ITGA11: variants seen among roughly 807,000 people sequenced by gnomAD.
ITGA11 encodes integrin alpha-11.
ITGA11 carries 97 observed loss-of-function variants against 141.9 expected under a neutral mutation model. The observed-to-expected ratio is 0.68, with a 90% confidence interval of 0.58 to 0.81. ITGA11 has a LOEUF of 0.81. Ranked by LOEUF, ITGA11 falls within the 30% of genes least tolerant of loss-of-function variation. ITGA11 has a pLI of 0.00. For missense variants in ITGA11, 1,387 were observed against 1,559.2 expected (o/e 0.89, Z 1.86); for synonymous variants, 658 against 624.6 (o/e 1.05, Z -0.80).
chr15:68,319,944 T>A (rs1893736754), intron 20 of ITGA11, among the ~76,000 whole-genome samples: 1 of 152,156 alleles, frequency 6.6e-6, no homozygotes, highest in Non-Finnish European at 1.5e-5. Context: ...TGATTTTTTT[T>A]TTTATTTAAT....
intron 2 of ITGA11, among the ~76,000 whole-genome samples, chr15:68,385,431 C>A (rs1895962421): frequency 1.3e-5 from 2 of 152,238 alleles, no homozygotes; most frequent in South Asian, 4.1e-4. Flanking sequence ...GGCTCCACGG[C>A]TGGTTTTGTG....
chr15:68,397,136 AT>A (rs1377374044), intron 2 of ITGA11, among the ~76,000 whole-genome samples: 23 of 26 alleles, frequency 0.88, 11 homozygotes, highest in African/African-American at 1. Flanking sequence ...TATATAATAA[AT>A]TATTATATAT....
chr15:68,416,686 G>A (rs1896893582), intron 1 of ITGA11, among the ~76,000 whole-genome samples: 1 of 152,112 alleles, frequency 6.6e-6, no homozygotes, highest in African/African-American at 2.4e-5. Context: ...AGCACTTTGG[G>A]AGGCGGATTG....
At chr15:68,399,382 A>G (rs1896408605) in intron 2 of ITGA11, among the ~76,000 whole-genome samples, 1 of 152,090 alleles carries the variant, frequency 6.6e-6, no homozygotes, top group Non-Finnish European at 1.5e-5. Flanking sequence ...GGGAATGGTA[A>G]TTAGTTCAGA....
At chr15:68,340,712 C>G (rs901734877) in intron 10 of ITGA11, 2 of 152,176 alleles carry the variant, frequency 1.3e-5, no homozygotes, top group Non-Finnish European at 1.5e-5. Flanking sequence ...GTTACTGACC[C>G]CATGGCCCTT....
chr15:68,409,470 A>C (rs1051251313), intron 1 of ITGA11, among the ~76,000 whole-genome samples: 2 of 146,304 alleles, frequency 1.4e-5, no homozygotes, highest in Non-Finnish European at 1.5e-5. Context: ...TGACTTAGGT[A>C]CTGATAGTAG....
At chr15:68,314,590 C>G (rs1240463776) in intron 22 of ITGA11, among the ~76,000 whole-genome samples, 1 of 152,180 alleles carries the variant, frequency 6.6e-6, no homozygotes, top group Non-Finnish European at 1.5e-5. Flanking sequence ...GCCTCCAGAG[C>G]CCCCTCCTAC....
intron 2 of ITGA11, among the ~76,000 whole-genome samples, chr15:68,370,963 G>A (rs2140362960): frequency 6.6e-6 from 1 of 152,308 alleles, no homozygotes; most frequent in Middle Eastern, 3.4e-3. Flanking sequence ...AGGAAAGCCA[G>A]GTCTGAAGTG....
Position 68,311,315 on chromosome 15 carries a change from T to A in ITGA11, c.3062A>T (p.Lys1021Met), listed in dbSNP as rs1893375721. Residue 1021 changes from lysine (K) to methionine (M), a missense_variant, in exon 25 of 30, where the codon AAG becomes ATG. Transcript: ENST00000315757. ...IATRSGNRLLKLRDFLTDEAN... is the reference protein window; with the variant it reads ...IATRSGNRLLMLRDFLTDEAN... ...CTCGTCCGTGAGGAAGTCCCTCAGC[T>A]TCAGTAGGCGGTTGCCGCTCCTGGT... 6.3e-7 allele frequency: 1 copy of A among 1,575,052 alleles called. No individual in the cohort carries two copies. Among genetic ancestry groups the A allele is most frequent in the Admixed American group, 1.8e-5 (1 of 54,644 alleles).
chr15:68,404,994 C>T (rs1252288693), intron 1 of ITGA11, among the ~76,000 whole-genome samples: 2 of 152,284 alleles, frequency 1.3e-5, no homozygotes, highest in South Asian at 2.1e-4. Context: ...GACCCAAGCC[C>T]GCTGGGTAGG....
intron 1 of ITGA11, 75 bp downstream of exon 1, chr15:68,431,940 G>T: frequency 9.2e-7 from 1 of 1,084,372 alleles, no homozygotes; most frequent in Non-Finnish European, 1.2e-6. Context: ...TCCCGATCCT[G>T]GCCGCTGGAT....
chr15:68,369,328 T>A lies in ITGA11; in HGVS notation c.165-44A>T, dbSNP rs376339539. 25 of 1,377,490 alleles carry A rather than the reference T, an allele frequency of 1.8e-5. No individual in the cohort carries two copies. In the Admixed American group the frequency reaches 3.3e-4, roughly 18 times the overall value. 85.3% of individuals were successfully genotyped at this position (1,377,490 alleles called of 1,614,324 possible). Reference sequence around the variant, plus strand: ...TGAGCAAAGACATTGGGGGAGGTACTCTTTCCTGGCAGAGGATGGAGCCTG... The same window carrying A: ...TGAGCAAAGACATTGGGGGAGGTACACTTTCCTGGCAGAGGATGGAGCCTG... On this transcript the variant is annotated intron_variant, in intron 2 of 29. Transcript: ENST00000315757.
chr15:68,410,876 A>G (rs1896757478), intron 1 of ITGA11, among the ~76,000 whole-genome samples: 1 of 152,234 alleles, frequency 6.6e-6, no homozygotes, highest in South Asian at 2.1e-4. Context: ...ATTACAGAAG[A>G]GCTTGGGGAG....
intron 1 of ITGA11, among the ~76,000 whole-genome samples, chr15:68,412,892 T>C: frequency 6.6e-6 from 1 of 152,044 alleles, no homozygotes. Flanking sequence ...GCCAGGCTAG[T>C]CTTGAACTCC....
Position 68,325,602 on chromosome 15 carries a change from G to A in ITGA11, c.2212-361C>T, listed in dbSNP as rs763663145. On this transcript the variant is annotated intron_variant, in intron 17 of 29. Coordinates refer to ENST00000315757, the MANE Select transcript of ITGA11 (RefSeq NM_001004439.2). This position sits in a 1 kb window ranked among gnomAD's most constrained non-coding sequence, Gnocchi z 5.5. The stretch of plus-strand genomic sequence containing the variant: ...CCACCACTCTCTTCAGACCAGTTAC[G>A]CCTGCTGCTCATGTAGCATTTGAAC... Among the ~76,000 whole-genome samples the A allele has an allele frequency of 5.3e-5, 8 of 152,078 alleles. No individual in the cohort carries two copies. Among genetic ancestry groups the A allele is most frequent in the Non-Finnish European group, 7.4e-5 (5 of 67,974 alleles).
rs1896178380 is a variant in ITGA11, at chr15:68,394,100, T to C, written c.164+8818A>G. Among the ~76,000 whole-genome samples, 3 of 152,132 alleles carry C rather than the reference T, an allele frequency of 2.0e-5. No homozygotes were observed. In the South Asian group the frequency reaches 6.2e-4, roughly 32 times the overall value. On this transcript the variant is annotated intron_variant, in intron 2 of 29. Transcript: ENST00000315757. ...ACTATGAACATCTATGCAAACAAACTAGAAAATCTAGAGGAAACACATAAA... is the reference window on the plus strand; with the variant it reads ...ACTATGAACATCTATGCAAACAAACCAGAAAATCTAGAGGAAACACATAAA...
At position 68,333,967 on chromosome 15, in the gene ITGA11, C is replaced by A. The variant is rs977989368; in HGVS notation, c.1426-1489G>T. 6.6e-6 allele frequency among the ~76,000 whole-genome samples: 1 copy of A among 152,220 alleles called. No individual in the cohort carries two copies. The highest frequency in any genetic ancestry group is 6.5e-5 in the Admixed American group (1 of 15,292). On this transcript the variant is annotated intron_variant, in intron 12 of 29. Coordinates refer to ENST00000315757, the MANE Select transcript of ITGA11 (RefSeq NM_001004439.2). This position sits in a 1 kb window ranked among gnomAD's most constrained non-coding sequence, Gnocchi z 4.2. ...TTGCATGCACTCCCCGCCCCTGCGT[C>A]CTCCCCAGACCATCCCCTGCCATCC...
rs1473032167 is a variant in ITGA11, at chr15:68,308,920, A to G, written c.3175-1224T>C. On this transcript the variant is annotated intron_variant, in intron 26 of 29. Transcript: ENST00000315757. This position sits in a 1 kb window ranked among gnomAD's most constrained non-coding sequence, Gnocchi z 5.2. ...CAGCAGAACCATTAGCCAACACTAT[A>G]GACAGCTCAGTTGGCTTAGTTTACA... Among the ~76,000 whole-genome samples, 1 of 152,234 alleles carries G rather than the reference A, an allele frequency of 6.6e-6. No individual in the cohort carries two copies. Among genetic ancestry groups the G allele is most frequent in the Non-Finnish European group, 1.5e-5 (1 of 68,042 alleles).
intron 2 of ITGA11, among the ~76,000 whole-genome samples, chr15:68,377,604 T>C (rs995614849): frequency 6.6e-6 from 1 of 152,198 alleles, no homozygotes; most frequent in African/African-American, 2.4e-5. Context: ...CTCCTTCCCC[T>C]TCTCAATCCA....
Sources: allele counts gnomAD v4.1 joint callset (sites outside exome capture counted in the v4.1 genomes callset), GRCh38; gene constraint gnomAD v4.1.1; non-coding constraint Gnocchi (gnomAD v3.1); transcripts MANE v1.5; gene names NCBI Gene and HGNC (gene_info 2026-07-23, HGNC 2026-07-21).